PARVB: variants seen among roughly 807,000 people sequenced by gnomAD.
PARVB encodes the protein beta-parvin.
In PARVB, 46 loss-of-function variants were observed where a neutral mutation model predicts 47.0. The ratio of observed to expected loss-of-function variants is 0.98; its 90% confidence interval spans 0.77 to 1.25. PARVB has a LOEUF of 1.25. PARVB is among the 50% of genes most tolerant of loss of function. PARVB has a pLI of 0.00. For missense variants in PARVB, 473 were observed against 471.6 expected (o/e 1.00, Z -0.03); for synonymous variants, 196 against 196.3 (o/e 1.00, Z 0.01).
intron 8 of PARVB, chr22:44,146,058 C>T (rs1455349793): frequency 6.6e-6 from 1 of 152,260 alleles, no homozygotes; most frequent in Admixed American, 6.5e-5. Context: ...AGAAAACTTC[C>T]CTCCCTTCCC....
rs2051933271 is a variant in PARVB at position 44,082,678 on chromosome 22, G to A, written c.113-11250G>A. Among the ~76,000 whole-genome samples the A allele has an allele frequency of 2.6e-5, 4 of 152,118 alleles. No individual in the cohort carries two copies. In the South Asian group the frequency reaches 8.3e-4, roughly 32 times the overall value. ...CATGCCCCGGTTTCTCGCCCAGGTG[G>A]GTTAGACGGCCAACCTGACATTTTA... On this transcript the variant is annotated intron_variant, in intron 1 of 12. Transcript: ENST00000338758.
chr22:44,116,623 C>T (rs141136180), intron 3 of PARVB, among the ~76,000 whole-genome samples: 150 of 152,312 alleles, frequency 9.8e-4, no homozygotes, highest in African/African-American at 3.2e-3. Context: ...ACAGACAAGC[C>T]GGTCATAGCT....
intron 1 of PARVB, among the ~76,000 whole-genome samples, chr22:44,070,111 A>T (rs1358124145): frequency 6.6e-6 from 1 of 152,238 alleles, no homozygotes. Context: ...TCTGCATCCC[A>T]GGGACTATCC....
chr22:44,028,642 GT>G (rs2050773087), intron 1 of PARVB, among the ~76,000 whole-genome samples: 1 of 152,166 alleles, frequency 6.6e-6, no homozygotes, highest in Non-Finnish European at 1.5e-5. Flanking sequence ...TGGAGATAAG[GT>G]TTTAATTCAT....
chr22:44,164,098 G>A (rs1048463429), intron 12 of PARVB, among the ~76,000 whole-genome samples, 168 bp downstream of exon 12: 2 of 152,190 alleles, frequency 1.3e-5, no homozygotes, highest in Non-Finnish European at 2.9e-5. Flanking sequence ...CCTCATTTTG[G>A]GAACCAGGAG....
intron 6 of PARVB, 94 bp from the exon 7 acceptor site, chr22:44,136,363 AGAT>A: frequency 9.3e-7 from 1 of 1,072,244 alleles, no homozygotes; most frequent in Non-Finnish European, 1.4e-6. Flanking sequence ...CTCTTTTCTA[AGAT>A]GATCTCCGGC....
At chr22:44,156,342 C>T (rs868053125) in intron 10 of PARVB, among the ~76,000 whole-genome samples, 4 of 147,958 alleles carry the variant, frequency 2.7e-5, no homozygotes, top group East Asian at 2.0e-4. Flanking sequence ...TACAGTGGCG[C>T]GATCGCGGCT....
rs190796562 is a variant in PARVB at position 44,103,761 on chromosome 22, T to C, written c.273+3638T>C. On this transcript the variant is annotated intron_variant, in intron 3 of 12. Coordinates refer to ENST00000338758, the MANE Select transcript of PARVB (RefSeq NM_013327.5). This position sits in a 1 kb window ranked among gnomAD's most constrained non-coding sequence, Gnocchi z 4.6. Reference sequence around the variant, plus strand: ...TGACCCTGGAGGCAAGGTGGTAGCTTCTGGCTCTGAAGATGGAAGAAGGGG... The same window carrying C: ...TGACCCTGGAGGCAAGGTGGTAGCTCCTGGCTCTGAAGATGGAAGAAGGGG... The C allele has an allele frequency of 6.6e-6, 1 of 152,354 alleles. No homozygotes were observed. Among genetic ancestry groups the C allele is most frequent in the East Asian group, 1.9e-4 (1 of 5,168 alleles). The allele number at this position is 152,354 out of a possible 1,614,324, so 9.4% of individuals were successfully genotyped here.
intron 1 of PARVB, among the ~76,000 whole-genome samples, chr22:44,030,367 C>T (rs1350989009): frequency 6.6e-6 from 1 of 152,192 alleles, no homozygotes; most frequent in Non-Finnish European, 1.5e-5. Flanking sequence ...TAAATTAGCC[C>T]AGGGAGGGGG....
intron 3 of PARVB, chr22:44,107,194 G>T (rs1016015335): frequency 6.6e-6 from 1 of 152,260 alleles, no homozygotes; most frequent in Admixed American, 6.5e-5. Context: ...TTATCCAAAA[G>T]TCATCTTTGC....
At chr22:44,141,424 A>G (rs762387689) in intron 8 of PARVB, 51 of 152,212 alleles carry the variant, frequency 3.4e-4, no homozygotes, top group African/African-American at 1.2e-3. Context: ...AGCATCCAGT[A>G]TGGGAGAAAG....
At chr22:44,002,636 A>C (rs188581476) in intron 2 of PARVB, among the ~76,000 whole-genome samples, 2 of 152,164 alleles carry the variant, frequency 1.3e-5, no homozygotes, top group Non-Finnish European at 2.9e-5. Flanking sequence ...GGCTGTACAC[A>C]GGAGAACACT....
intron 7 of PARVB, among the ~76,000 whole-genome samples, chr22:44,138,425 C>T (rs1220601279): frequency 2.9e-4 from 44 of 152,168 alleles, no homozygotes; most frequent in Admixed American, 2.9e-3. Context: ...CTCTGCCAGC[C>T]AGGGTCAGGG....
intron 1 of PARVB, among the ~76,000 whole-genome samples, chr22:44,088,343 T>C (rs909207968): frequency 6.6e-6 from 1 of 151,956 alleles, no homozygotes; most frequent in South Asian, 2.1e-4. Flanking sequence ...AGGTTGAAGA[T>C]AGGTAGGATT....
Position 44,045,929 on chromosome 22 carries a change from G to C in PARVB, c.112+21478G>C, listed in dbSNP as rs540884248. Reference sequence around the variant, plus strand: ...CTCGAGATTCCGTATGAGTTTTAGGGCGTGATTTTCTATTTCTGCAACGAG... The same window carrying C: ...CTCGAGATTCCGTATGAGTTTTAGGCCGTGATTTTCTATTTCTGCAACGAG... On this transcript the variant is annotated intron_variant, in intron 1 of 12. Coordinates refer to ENST00000338758, the MANE Select transcript of PARVB (RefSeq NM_013327.5). 6.6e-5 allele frequency among the ~76,000 whole-genome samples: 10 copies of C among 152,266 alleles called. No individual in the cohort carries two copies. The South Asian group carries it at 1.0e-3, about 16-fold the overall frequency.
chr22:44,025,158 A>G (rs1457523070), intron 1 of PARVB, among the ~76,000 whole-genome samples: 2 of 148,002 alleles, frequency 1.4e-5, no homozygotes, highest in Non-Finnish European at 2.9e-5. Context: ...CATGCCCTAT[A>G]GTGAGATTTC....
intron 1 of PARVB, among the ~76,000 whole-genome samples, chr22:44,064,329 G>C (rs1052365314): frequency 6.6e-6 from 1 of 152,196 alleles, no homozygotes; most frequent in Non-Finnish European, 1.5e-5. Context: ...ACAGGCATGC[G>C]CCGTGCCCAG....
At chr22:43,999,551 G>A (rs1216593300) in exon 2 of PARVB, 1 of 1,594,688 alleles carries the variant, frequency 6.3e-7, no homozygotes, top group East Asian at 2.2e-5. Context: ...CTGGAGCTGA[G>A]ACGTGGGTGT....
chr22:44,168,460 A>C, intron 12 of PARVB, 142 bp from the exon 13 acceptor site: 2 of 649,486 alleles, frequency 3.1e-6, no homozygotes. Flanking sequence ...CGTCCTGGAC[A>C]TGGTGGTGGC....
Sources: gnomAD v4.1 joint callset for allele counts (sites outside exome capture counted in the v4.1 genomes callset) on GRCh38, gnomAD v4.1.1 for gene constraint, Gnocchi (gnomAD v3.1) non-coding constraint, MANE v1.5 for transcripts, NCBI Gene and HGNC (gene_info 2026-07-23, HGNC 2026-07-21) for gene names.